The following CCDC91 variants were observed in gnomAD, a reference collection of about 807,000 sequenced individuals.
The protein encoded by CCDC91 is coiled-coil domain-containing protein 91.
In CCDC91, 48 loss-of-function variants were observed where a neutral mutation model predicts 63.2. That is an observed-to-expected ratio of 0.76 (90% CI 0.60 to 0.97). The LOEUF is 0.97. Ranked by LOEUF, CCDC91 falls within the 50% of genes least tolerant of loss-of-function variation. The probability of loss-of-function intolerance (pLI) is 0.00; values close to 1 mark genes in which losing one functional copy is unlikely to be tolerated. For synonymous variants in CCDC91, 167 were observed against 165.8 expected, an observed-to-expected ratio of 1.01 and a Z score of -0.06; for missense variants, 500 against 494.6, an observed-to-expected ratio of 1.01 and a Z score of -0.10.
chr12:28,231,960 T>A (rs75716196), intron 1 of CCDC91, among the ~76,000 whole-genome samples: 1 of 152,286 alleles, frequency 6.6e-6, no homozygotes, highest in East Asian at 1.9e-4. Flanking sequence ...ATTGTGATAT[T>A]TTCTGTCGCT....
At chr12:28,542,870 T>C (rs1942728206) in intron 12 of CCDC91, among the ~76,000 whole-genome samples, 1 of 152,064 alleles carries the variant, frequency 6.6e-6, no homozygotes, top group Admixed American at 6.6e-5. Context: ...ACTACTCTGA[T>C]ATATGAGGAC....
intron 3 of CCDC91, among the ~76,000 whole-genome samples, chr12:28,282,217 A>AT (rs1948653785): frequency 6.6e-6 from 1 of 152,070 alleles, no homozygotes; most frequent in South Asian, 2.1e-4. Context: ...AATACAAAAC[A>AT]TTTTTTTACT....
intron 3 of CCDC91, among the ~76,000 whole-genome samples, chr12:28,296,966 T>G (rs1447537353): frequency 6.6e-6 from 1 of 151,770 alleles, no homozygotes; most frequent in Non-Finnish European, 1.5e-5. Context: ...AGAGGTGAGA[T>G]GACAGTTTAT....
chr12:28,285,097 A>AT (rs964015788), intron 3 of CCDC91, among the ~76,000 whole-genome samples: 9 of 151,980 alleles, frequency 5.9e-5, no homozygotes, highest in Admixed American at 1.3e-4. Context: ...GCAATACTTG[A>AT]TTTTTTTTAG....
intron 3 of CCDC91, among the ~76,000 whole-genome samples, chr12:28,285,348 A>C (rs1476931840): frequency 2.0e-5 from 3 of 152,240 alleles, no homozygotes; most frequent in East Asian, 1.9e-4. Context: ...ATTGAGAATA[A>C]ATCCACCTCT....
At chr12:28,492,219 T>C (rs761997444) in intron 12 of CCDC91, among the ~76,000 whole-genome samples, 6 of 151,774 alleles carry the variant, frequency 4.0e-5, no homozygotes, top group Admixed American at 6.6e-5. Context: ...ATAAATGTTT[T>C]TTTTTCATTC....
chr12:28,391,538 T>C (rs981683091), intron 8 of CCDC91, 127 bp downstream of exon 8: 16 of 529,978 alleles, frequency 3.0e-5, no homozygotes, highest in Non-Finnish European at 4.7e-5. Flanking sequence ...AATGTGCTTA[T>C]GTAAACTCAA....
At chr12:28,337,134 A>C (rs1942045772) in intron 6 of CCDC91, among the ~76,000 whole-genome samples, 1 of 152,130 alleles carries the variant, frequency 6.6e-6, no homozygotes, top group African/African-American at 2.4e-5. Context: ...AGAAATCATT[A>C]ATTTCATTAT....
At chr12:28,521,477 G>C (rs1379666137) in intron 12 of CCDC91, among the ~76,000 whole-genome samples, 1 of 152,184 alleles carries the variant, frequency 6.6e-6, no homozygotes, top group African/African-American at 2.4e-5. Context: ...TTGGGGCTGA[G>C]ACGACGTGGT....
intron 12 of CCDC91, among the ~76,000 whole-genome samples, chr12:28,486,174 A>G (rs1331353869): frequency 2.0e-5 from 3 of 152,034 alleles, no homozygotes; most frequent in Non-Finnish European, 2.9e-5. Context: ...CCACCAGTCC[A>G]CTCTGATTCT....
chr12:28,428,585 A>C (rs984005869), intron 8 of CCDC91, among the ~76,000 whole-genome samples: 7 of 150,726 alleles, frequency 4.6e-5, no homozygotes, highest in South Asian at 2.1e-4. Flanking sequence ...AAAAAAAAAA[A>C]AAAAAAAAAA....
At chr12:28,513,633 T>C (rs10843195) in intron 12 of CCDC91, among the ~76,000 whole-genome samples, 31,701 of 151,820 alleles carry the variant, frequency 0.21, 4,340 homozygotes, top group Non-Finnish European at 0.31. Context: ...ATTGTACTCA[T>C]ATGCATGAAA....
chr12:28,376,006 A>G (rs1331653085), intron 7 of CCDC91, among the ~76,000 whole-genome samples: 1 of 151,900 alleles, frequency 6.6e-6, no homozygotes, highest in Non-Finnish European at 1.5e-5. Context: ...TACAGTGCAT[A>G]GTAAATTATT....
intron 8 of CCDC91, among the ~76,000 whole-genome samples, chr12:28,396,672 GT>G (rs1565908664): frequency 6.6e-6 from 1 of 151,150 alleles, no homozygotes; most frequent in African/African-American, 2.4e-5. Flanking sequence ...GTGTGTGTGT[GT>G]GTGTGTGGGC....
intron 11 of CCDC91, among the ~76,000 whole-genome samples, chr12:28,453,435 T>G (rs778083084): frequency 4.6e-5 from 7 of 151,982 alleles, no homozygotes; most frequent in Non-Finnish European, 1.0e-4. Context: ...GACTAACCTT[T>G]CAGATCAACC....
chr12:28,394,280 CAG>C (rs1491206883), intron 8 of CCDC91, among the ~76,000 whole-genome samples: 2 of 152,072 alleles, frequency 1.3e-5, no homozygotes, highest in South Asian at 2.1e-4. Context: ...TCCTGGCTAA[CAG>C]GGTGAAACCC....
chr12:28,416,609 A>G (rs1947678672), intron 8 of CCDC91, among the ~76,000 whole-genome samples: 1 of 152,100 alleles, frequency 6.6e-6, no homozygotes, highest in South Asian at 2.1e-4. Context: ...GCAGGCTAGG[A>G]TGATCAGATG....
intron 1 of CCDC91, among the ~76,000 whole-genome samples, chr12:28,232,995 T>C (rs1466747458): frequency 6.7e-6 from 1 of 150,332 alleles, no homozygotes; most frequent in African/African-American, 2.5e-5. Context: ...AAAAAAAATA[T>C]CATTACTGGT....
intron 8 of CCDC91, among the ~76,000 whole-genome samples, chr12:28,409,410 T>A (rs1947174926): frequency 6.6e-6 from 1 of 152,140 alleles, no homozygotes; most frequent in Non-Finnish European, 1.5e-5. Flanking sequence ...GATTATCTCT[T>A]GTCTTAGTCT....
Sources: allele counts gnomAD v4.1 joint callset (sites outside exome capture counted in the v4.1 genomes callset), GRCh38; gene constraint gnomAD v4.1.1; transcripts MANE v1.5; gene names NCBI Gene and HGNC (gene_info 2026-07-23, HGNC 2026-07-21).